PUM3: variants seen among roughly 807,000 people sequenced by gnomAD.
PUM3 encodes pumilio RNA binding family member 3, also known as pumilio homolog 3.
A neutral mutation model predicts 84.0 loss-of-function variants in PUM3; 91 were observed. The observed-to-expected ratio is 1.08, with a 90% CI of 0.91 to 1.29. The LOEUF is 1.29. PUM3 is among the 50% of genes most tolerant of loss of function. The probability of loss-of-function intolerance (pLI) is 0.00; values close to 1 mark genes in which losing one functional copy is unlikely to be tolerated. For synonymous variants in PUM3, 321 were observed against 266.7 expected (o/e 1.20, Z -1.98); for missense variants, 1,067 against 767.5 (o/e 1.39, Z -4.61).
Position 2,804,313 on chromosome 9 carries a change from G to C in PUM3, c.*18C>G, listed in dbSNP as rs376348129. On this transcript the variant is annotated 3_prime_UTR_variant, in exon 18 of 18. Transcript: ENST00000397885. The stretch of plus-strand genomic sequence containing the variant: ...AGAACAGAAAAAATCATTCCATCTT[G>C]CTCTTAACTCTTTCCACCTATGTGC... The C allele has an allele frequency of 2.0e-5, 32 of 1,609,560 alleles. No homozygotes were observed. The highest frequency in any genetic ancestry group is 2.5e-5 in the Non-Finnish European group (29 of 1,178,468).
intron 12 of PUM3, among the ~76,000 whole-genome samples, chr9:2,820,770 T>C (rs928779802): frequency 1.3e-5 from 2 of 152,216 alleles, no homozygotes; most frequent in African/African-American, 4.8e-5. Context: ...AAAAAAAGTA[T>C]AGCTGCATGA....
intron 1 of PUM3, 116 bp from the exon 2 acceptor site, chr9:2,838,633 A>T: frequency 1.5e-6 from 1 of 646,440 alleles, no homozygotes; most frequent in Non-Finnish European, 2.8e-6. Context: ...AATACAAATC[A>T]GCCAGATATA....
At chr9:2,841,485 C>G (rs1368318363) in intron 1 of PUM3, among the ~76,000 whole-genome samples, 1 of 152,100 alleles carries the variant, frequency 6.6e-6, no homozygotes, top group Non-Finnish European at 1.5e-5. Context: ...GGAAAATCAC[C>G]TGAACCCAGG....
At chr9:2,840,659 G>C (rs1231695158) in intron 1 of PUM3, among the ~76,000 whole-genome samples, 1 of 152,054 alleles carries the variant, frequency 6.6e-6, no homozygotes, top group Non-Finnish European at 1.5e-5. Flanking sequence ...CTGTTATTTT[G>C]TTGCTCAAAT....
intron 10 of PUM3, among the ~76,000 whole-genome samples, 159 bp from the exon 11 acceptor site, chr9:2,824,974 C>T (rs923662782): frequency 1.2e-4 from 19 of 152,204 alleles, no homozygotes; most frequent in South Asian, 2.1e-4. Context: ...AACAGAAACA[C>T]GAGCTCTTTC....
At chr9:2,839,985 T>C (rs978442827) in intron 1 of PUM3, among the ~76,000 whole-genome samples, 2 of 152,212 alleles carry the variant, frequency 1.3e-5, no homozygotes, top group Non-Finnish European at 2.9e-5. Flanking sequence ...TCCACTAATA[T>C]CCTCTTTCTG....
At chr9:2,833,936 T>C in intron 4 of PUM3, 95 bp downstream of exon 4, 3 of 1,309,928 alleles carry the variant, frequency 2.3e-6, no homozygotes, top group African/African-American at 1.5e-5. Context: ...CCAAGTGCTA[T>C]GTCATTTATT....
rs1821557814 is a variant in PUM3 at position 2,820,092 on chromosome 9, A to G, written c.1195T>C (p.Tyr399His). ...TYVEKVANGQYSHLVLLAAFD... is the reference protein window; with the variant it reads ...TYVEKVANGQHSHLVLLAAFD... ...GCCGCCAGTAAAACCAAATGGGAGTATTGGCCCTGCAAGAATTGGAAGCCA... is the reference window on the plus strand; with the variant it reads ...GCCGCCAGTAAAACCAAATGGGAGTGTTGGCCCTGCAAGAATTGGAAGCCA... Residue 399 changes from tyrosine (Y) to histidine (H), a missense_variant, in exon 13 of 18, where the codon TAC (tyrosine) becomes CAC (histidine). By Grantham distance (83) the Tyr-to-His change is moderately conservative. Transcript: ENST00000397885. 6 of 1,607,510 alleles carry G rather than the reference A, an allele frequency of 3.7e-6. No individual in the cohort carries two copies. The East Asian group carries it at 1.1e-4, about 30-fold the overall frequency.
intron 16 of PUM3, among the ~76,000 whole-genome samples, chr9:2,808,872 G>A (rs1394884978): frequency 6.6e-6 from 1 of 152,322 alleles, no homozygotes; most frequent in African/African-American, 2.4e-5. Context: ...TATGATGAAA[G>A]TGGCATTAAA....
chr9:2,811,734 T>A, intron 14 of PUM3, 151 bp from the exon 15 acceptor site: 1 of 633,510 alleles, frequency 1.6e-6, no homozygotes, highest in Non-Finnish European at 2.7e-6. Context: ...AGACAATAAG[T>A]GATACGAGTA....
rs185407839 is a variant in PUM3, at chr9:2,835,275, G to A, written c.305-1109C>T. Among the ~76,000 whole-genome samples the A allele has an allele frequency of 4.6e-3, 694 of 152,156 alleles. 6 individuals are homozygous for A. The highest frequency in any genetic ancestry group is 6.3e-3 in the Non-Finnish European group (429 of 67,984). On this transcript the variant is annotated intron_variant, in intron 3 of 17. Transcript: ENST00000397885. ...AAAAAATTAAATTAAAAAATTAGCCGGGTGTGGTGGTACATGCCTGCAGTC... is the reference window on the plus strand; with the variant it reads ...AAAAAATTAAATTAAAAAATTAGCCAGGTGTGGTGGTACATGCCTGCAGTC...
chr9:2,841,262 T>C (rs1816257360), intron 1 of PUM3, among the ~76,000 whole-genome samples: 1 of 152,244 alleles, frequency 6.6e-6, no homozygotes, highest in Non-Finnish European at 1.5e-5. Context: ...TACAATTCTT[T>C]TTTGTATCCA....
At chr9:2,806,978 G>A (rs1406956763) in intron 17 of PUM3, among the ~76,000 whole-genome samples, 1 of 151,344 alleles carries the variant, frequency 6.6e-6, no homozygotes, top group African/African-American at 2.4e-5. Context: ...GGAGCCCGAG[G>A]TGGGCAGATC....
chr9:2,814,480 G>A (rs1821432723), intron 13 of PUM3, among the ~76,000 whole-genome samples: 2 of 152,072 alleles, frequency 1.3e-5, no homozygotes, highest in African/African-American at 4.8e-5. Flanking sequence ...CAAACTGCTG[G>A]GATTATAGGC....
intron 16 of PUM3, among the ~76,000 whole-genome samples, chr9:2,809,539 C>CAA (rs1381488635): frequency 1.3e-5 from 2 of 152,294 alleles, no homozygotes; most frequent in Non-Finnish European, 2.9e-5. Context: ...TACTGCTATA[C>CAA]TGATTGCCAC....
chr9:2,834,234 G>C lies in PUM3; in HGVS notation c.305-68C>G. ...AAGTGTCATACACCAATACAAATTA[G>C]GTAAAAAGGGCAATCACTAATCAGG... On this transcript the variant is annotated intron_variant, in intron 3 of 17. Transcript: ENST00000397885. The C allele has an allele frequency of 6.6e-6, 9 of 1,374,038 alleles. No homozygotes were observed. In the South Asian group the frequency reaches 1.2e-4, roughly 18 times the overall value. 85.1% of individuals were successfully genotyped at this position (1,374,038 alleles called of 1,614,324 possible). A position where few individuals can be genotyped will look rare whatever the true frequency, so the allele number is the denominator to read the frequency against.
intron 1 of PUM3, among the ~76,000 whole-genome samples, chr9:2,840,402 A>T (rs1305064868): frequency 6.6e-6 from 1 of 152,136 alleles, no homozygotes. Context: ...TTTAGACAAG[A>T]TGTTTGGAGA....
At chr9:2,831,373 T>G (rs751478961) in intron 5 of PUM3, 29 bp from the exon 6 acceptor site, 4 of 1,375,008 alleles carry the variant, frequency 2.9e-6, no homozygotes, top group Non-Finnish European at 4.1e-6. Flanking sequence ...GTTAGACTAA[T>G]TCTCTTTTGA....
chr9:2,805,712 C>G (rs1165380070), intron 17 of PUM3, among the ~76,000 whole-genome samples: 1 of 152,138 alleles, frequency 6.6e-6, no homozygotes, highest in South Asian at 2.1e-4. Flanking sequence ...GCATATGCCA[C>G]ATATTAGACA....
Sources: allele counts gnomAD v4.1 joint callset (sites outside exome capture counted in the v4.1 genomes callset), GRCh38; gene constraint gnomAD v4.1.1; transcripts MANE v1.5; gene names NCBI Gene and HGNC (gene_info 2026-07-23, HGNC 2026-07-21).